RORA: variants seen among roughly 807,000 people sequenced by gnomAD.
RORA encodes the protein nuclear receptor ROR-alpha.
A neutral mutation model predicts 69.5 loss-of-function variants in RORA; 7 were observed. The observed-to-expected ratio is 0.10, with a 90% CI of 0.06 to 0.19. The LOEUF (loss-of-function observed/expected upper bound fraction) is 0.19. Among genes scored for constraint, RORA ranks in the 10% least tolerant of loss-of-function variants. The probability of loss-of-function intolerance (pLI) is 1.00; values close to 1 mark genes in which losing one functional copy is unlikely to be tolerated. For missense variants in RORA, 457 were observed against 663.0 expected (o/e 0.69, Z 3.41); for synonymous variants, 261 against 240.8 (o/e 1.08, Z -0.78).
intron 1 of RORA, among the ~76,000 whole-genome samples, chr15:60,731,469 G>A (rs970411694): frequency 6.6e-6 from 1 of 152,166 alleles, no homozygotes. Context: ...TAGAGAAGAT[G>A]TACTGAAGGA....
At chr15:61,179,691 A>G (rs1398526417) in intron 1 of RORA, among the ~76,000 whole-genome samples, 1 of 152,212 alleles carries the variant, frequency 6.6e-6, no homozygotes, top group Non-Finnish European at 1.5e-5. Flanking sequence ...TGTGTGGCAA[A>G]TGGACAAACT....
chr15:60,823,125 TCTC>T (rs377647316), intron 1 of RORA, among the ~76,000 whole-genome samples: 97,907 of 132,094 alleles, frequency 0.74, 33,036 homozygotes, highest in South Asian at 0.84. Context: ...TCTCTCTCTC[TCTC>T]TCTTTCTTTT....
At chr15:60,518,617 G>A (rs1287853593) in intron 3 of RORA, among the ~76,000 whole-genome samples, 1 of 152,194 alleles carries the variant, frequency 6.6e-6, no homozygotes, top group Non-Finnish European at 1.5e-5. Flanking sequence ...TGATTCCCCT[G>A]CCCTGGTCAC....
intron 2 of RORA, among the ~76,000 whole-genome samples, chr15:60,549,501 C>T (rs1222121016): frequency 6.6e-6 from 1 of 152,018 alleles, no homozygotes; most frequent in Non-Finnish European, 1.5e-5. Flanking sequence ...AAATATTCTG[C>T]AGTTTCTCAG....
chr15:60,670,611 A>G (rs948909958), intron 2 of RORA, among the ~76,000 whole-genome samples: 3 of 152,196 alleles, frequency 2.0e-5, no homozygotes, highest in African/African-American at 7.2e-5. Flanking sequence ...CAAGAAGGGA[A>G]AGAGCTATCA....
chr15:60,846,878 T>C (rs1188462834), intron 1 of RORA, among the ~76,000 whole-genome samples: 1 of 152,250 alleles, frequency 6.6e-6, no homozygotes, highest in Admixed American at 6.5e-5. Flanking sequence ...AAAACCACCA[T>C]GACCTAAATG....
intron 1 of RORA, among the ~76,000 whole-genome samples, chr15:61,197,566 T>C (rs893963311): frequency 6.6e-6 from 1 of 152,142 alleles, no homozygotes; most frequent in African/African-American, 2.4e-5. Flanking sequence ...CTATATTCAC[T>C]ACAGACAAGG....
intron 3 of RORA, among the ~76,000 whole-genome samples, chr15:60,522,982 G>A (rs929837308): frequency 1.0e-4 from 15 of 147,792 alleles, no homozygotes; most frequent in African/African-American, 3.8e-4. Flanking sequence ...AGGTTGCAGT[G>A]AGCCGAGATC....
chr15:60,921,026 C>T (rs2062092), intron 1 of RORA, among the ~76,000 whole-genome samples: 98,697 of 152,014 alleles, frequency 0.65, 32,823 homozygotes, highest in East Asian at 0.87. Context: ...CTCATAGCCT[C>T]CTAAGACCCT....
At chr15:61,204,464 G>C (rs994197553) in intron 1 of RORA, among the ~76,000 whole-genome samples, 1 of 152,196 alleles carries the variant, frequency 6.6e-6, no homozygotes, top group Admixed American at 6.5e-5. Flanking sequence ...CATGTTGGAG[G>C]ACCAAAGTTC....
chr15:61,090,632 A>G (rs1226455497), intron 1 of RORA, among the ~76,000 whole-genome samples: 1 of 152,222 alleles, frequency 6.6e-6, no homozygotes, highest in Non-Finnish European at 1.5e-5. Flanking sequence ...CAGGTCTTAA[A>G]TCTCTAGCCC....
chr15:60,679,804 C>T (rs1192932142), intron 1 of RORA, among the ~76,000 whole-genome samples: 1 of 152,140 alleles, frequency 6.6e-6, no homozygotes, highest in Non-Finnish European at 1.5e-5. Context: ...ACCAAAATCA[C>T]ACACTTGCTC....
chr15:60,899,255 C>T (rs1290575875), intron 1 of RORA, among the ~76,000 whole-genome samples: 1 of 152,226 alleles, frequency 6.6e-6, no homozygotes, highest in Non-Finnish European at 1.5e-5. Context: ...CAGTTTCAAA[C>T]ACCCTCAATA....
chr15:61,022,310 A>G (rs1408394284), intron 1 of RORA, among the ~76,000 whole-genome samples: 1 of 152,244 alleles, frequency 6.6e-6, no homozygotes, highest in African/African-American at 2.4e-5. Flanking sequence ...GCAGCTATTA[A>G]TTAATACAAA....
At chr15:60,526,925 C>T (rs2066376625) in intron 3 of RORA, among the ~76,000 whole-genome samples, 1 of 152,174 alleles carries the variant, frequency 6.6e-6, no homozygotes, top group African/African-American at 2.4e-5. Flanking sequence ...GAAGGTGTCA[C>T]TTATATACTC....
Position 60,591,202 on chromosome 15 carries a change from A to G in RORA, c.197-59351T>C, listed in dbSNP as rs577236290. 2.4e-3 allele frequency among the ~76,000 whole-genome samples: 369 copies of G among 152,336 alleles called. 5 individuals are homozygous for G. The highest frequency in any genetic ancestry group is 8.3e-3 in the African/African-American group (347 of 41,594). On this transcript the variant is annotated intron_variant, in intron 2 of 10. Coordinates refer to ENST00000335670, the MANE Select transcript of RORA (RefSeq NM_134261.3). Reference sequence around the variant, plus strand: ...TAGGGAAGCCGCGTCCGCCGCAAACAGATGGGGCTCTAAATCCCCAAGCCT... The same window carrying G: ...TAGGGAAGCCGCGTCCGCCGCAAACGGATGGGGCTCTAAATCCCCAAGCCT...
At chr15:60,956,264 T>C (rs1893265071) in intron 1 of RORA, among the ~76,000 whole-genome samples, 1 of 152,230 alleles carries the variant, frequency 6.6e-6, no homozygotes, top group Non-Finnish European at 1.5e-5. Flanking sequence ...AGTAATAACT[T>C]TAATTTGTAT....
At chr15:60,906,867 A>T (rs1291557720) in intron 1 of RORA, among the ~76,000 whole-genome samples, 5 of 152,218 alleles carry the variant, frequency 3.3e-5, no homozygotes, top group African/African-American at 1.2e-4. Flanking sequence ...GGGGCTATAT[A>T]TTGAGCATTT....
chr15:61,064,677 G>A (rs2078233224), intron 1 of RORA, among the ~76,000 whole-genome samples: 1 of 152,176 alleles, frequency 6.6e-6, no homozygotes, highest in Non-Finnish European at 1.5e-5. Context: ...GATAGCTTTG[G>A]TGGAGACAAT....
Sources: gnomAD v4.1 joint callset for allele counts (sites outside exome capture counted in the v4.1 genomes callset) on GRCh38, gnomAD v4.1.1 for gene constraint, MANE v1.5 for transcripts, NCBI Gene and HGNC (gene_info 2026-07-23, HGNC 2026-07-21) for gene names.